SPPL3: variants seen among roughly 807,000 people sequenced by gnomAD.
SPPL3 encodes signal peptide peptidase like 3.
SPPL3 carries 5 observed loss-of-function variants against 42.4 expected under a neutral mutation model. That is an observed-to-expected ratio of 0.12 (90% CI 0.06 to 0.25). SPPL3 has a LOEUF of 0.25. Among genes scored for constraint, SPPL3 ranks in the 10% least tolerant of loss-of-function variants. The probability of loss-of-function intolerance (pLI) is 1.00; values close to 1 mark genes in which losing one functional copy is unlikely to be tolerated. For synonymous variants in SPPL3, 195 were observed against 181.8 expected (o/e 1.07, Z -0.58); for missense variants, 235 against 489.0 (o/e 0.48, Z 4.90).
At chr12:120,829,957 G>A (rs1871344869) in intron 1 of SPPL3, among the ~76,000 whole-genome samples, 1 of 148,842 alleles carries the variant, frequency 6.7e-6, no homozygotes, top group African/African-American at 2.5e-5. Flanking sequence ...TCGCACCATT[G>A]CACTCCAGGC....
intron 1 of SPPL3, among the ~76,000 whole-genome samples, chr12:120,851,796 G>T (rs899736848): frequency 4.6e-5 from 7 of 152,184 alleles, no homozygotes; most frequent in Non-Finnish European, 4.4e-5. Context: ...TAGAGACAGG[G>T]TTTCACCACA....
chr12:120,799,045 T>C (rs1046230833), intron 2 of SPPL3, among the ~76,000 whole-genome samples: 2 of 152,154 alleles, frequency 1.3e-5, no homozygotes, highest in African/African-American at 4.8e-5. Context: ...TAAGGCAAGA[T>C]TTTCCCCTTT....
chr12:120,804,207 CAAG>C (rs1210526789), intron 2 of SPPL3, among the ~76,000 whole-genome samples: 1 of 151,964 alleles, frequency 6.6e-6, no homozygotes, highest in African/African-American at 2.4e-5. Context: ...AAAACTAACT[CAAG>C]AAAATCTAAA....
At chr12:120,898,271 T>G (rs900852386) in intron 1 of SPPL3, among the ~76,000 whole-genome samples, 2 of 120,214 alleles carry the variant, frequency 1.7e-5, no homozygotes, top group African/African-American at 6.4e-5. Flanking sequence ...GCCACCACAC[T>G]CCAGCCTGGA....
intron 6 of SPPL3, among the ~76,000 whole-genome samples, chr12:120,775,099 C>T (rs2136971820): frequency 1.3e-5 from 2 of 150,506 alleles, no homozygotes; most frequent in South Asian, 4.1e-4. Context: ...GATACAGGCT[C>T]TCTAGATATC....
chr12:120,901,971 C>G (rs1873997750), intron 1 of SPPL3: 1 of 982,106 alleles, frequency 1.0e-6, no homozygotes, highest in Non-Finnish European at 1.2e-6. Flanking sequence ...GTAAAAACAG[C>G]AAAGCAGCCA....
chr12:120,791,802 T>C (rs1869925766), intron 2 of SPPL3: 5 of 426,232 alleles, frequency 1.2e-5, no homozygotes, highest in Non-Finnish European at 2.1e-5. Flanking sequence ...CTCCTATCTC[T>C]GAGCATATCA....
intron 1 of SPPL3, among the ~76,000 whole-genome samples, chr12:120,884,103 A>C (rs1593010774): frequency 7.9e-4 from 1 of 1,258 alleles, no homozygotes; most frequent in Non-Finnish European, 6.2e-3. Flanking sequence ...CTATGTCTCA[A>C]AAAAAAAAAA....
At chr12:120,803,570 A>C (rs187242565) in intron 2 of SPPL3, among the ~76,000 whole-genome samples, 35 of 152,176 alleles carry the variant, frequency 2.3e-4, no homozygotes, top group African/African-American at 8.4e-4. Context: ...ATTTATAAAA[A>C]ATTTTAAAAA....
Position 120,764,928 on chromosome 12 carries a change from T to G in SPPL3, c.*71A>C. On this transcript the variant is annotated 3_prime_UTR_variant, in exon 11 of 11. Coordinates refer to ENST00000353487, the MANE Select transcript of SPPL3 (RefSeq NM_139015.5). ...ACATTTCTGAGTACCAGGCCAGCTC[T>G]AAGAGGAAACAAACCATGAGTTGAG... 1 of 1,540,786 alleles carries G rather than the reference T, an allele frequency of 6.5e-7. No individual in the cohort carries two copies. The highest frequency in any genetic ancestry group is 8.9e-7 in the Non-Finnish European group (1 of 1,124,698).
At chr12:120,852,836 C>CAT (rs1246283976) in intron 1 of SPPL3, among the ~76,000 whole-genome samples, 2 of 63,432 alleles carry the variant, frequency 3.2e-5, no homozygotes, top group East Asian at 5.6e-4. Flanking sequence ...ATAATATATA[C>CAT]ATATGATATA....
At chr12:120,885,239 C>T (rs1325420039) in intron 1 of SPPL3, among the ~76,000 whole-genome samples, 1 of 152,076 alleles carries the variant, frequency 6.6e-6, no homozygotes, top group Non-Finnish European at 1.5e-5. Context: ...ATAATGTATA[C>T]AAAAACTCAA....
chr12:120,889,495 C>T (rs1873564999), intron 1 of SPPL3, among the ~76,000 whole-genome samples: 1 of 152,242 alleles, frequency 6.6e-6, no homozygotes, highest in Admixed American at 6.5e-5. Context: ...GAGGTCTCAC[C>T]TTGCCCTCTT....
At chr12:120,853,308 T>A (rs1481768502) in intron 1 of SPPL3, among the ~76,000 whole-genome samples, 1 of 152,212 alleles carries the variant, frequency 6.6e-6, no homozygotes, top group African/African-American at 2.4e-5. Context: ...TCTACAGAAC[T>A]ATATTATATT....
At chr12:120,900,644 C>CGCCTGTAA (rs1396854988) in intron 1 of SPPL3, among the ~76,000 whole-genome samples, 1 of 150,962 alleles carries the variant, frequency 6.6e-6, no homozygotes, top group African/African-American at 2.4e-5. Flanking sequence ...TGGTGGCTCA[C>CGCCTGTAA]GCCTGTAATC....
intron 1 of SPPL3, among the ~76,000 whole-genome samples, chr12:120,844,158 C>G (rs918908560): frequency 7.2e-5 from 11 of 152,050 alleles, no homozygotes; most frequent in African/African-American, 2.2e-4. Context: ...CGATTTTTCT[C>G]AAAAACCTGC....
intron 1 of SPPL3, among the ~76,000 whole-genome samples, chr12:120,893,413 C>T (rs988808166): frequency 5.9e-5 from 9 of 152,012 alleles, no homozygotes; most frequent in Admixed American, 3.3e-4. Flanking sequence ...TCTCTCCCTG[C>T]CTGCAAATAT....
At chr12:120,818,633 T>C (rs1485446565) in intron 1 of SPPL3, among the ~76,000 whole-genome samples, 2 of 152,218 alleles carry the variant, frequency 1.3e-5, no homozygotes, top group Non-Finnish European at 2.9e-5. Flanking sequence ...AATGAAAGCA[T>C]TCTTGTCCAC....
intron 2 of SPPL3, among the ~76,000 whole-genome samples, chr12:120,807,584 G>A (rs944107776): frequency 6.6e-6 from 1 of 151,628 alleles, no homozygotes; most frequent in Non-Finnish European, 1.5e-5. Flanking sequence ...TGAGGCAGGA[G>A]AATCGCTTGA....
Sources: gnomAD v4.1 joint callset for allele counts (sites outside exome capture counted in the v4.1 genomes callset) on GRCh38, gnomAD v4.1.1 for gene constraint, MANE v1.5 for transcripts, NCBI Gene and HGNC (gene_info 2026-07-23, HGNC 2026-07-21) for gene names.